Variants in THTPA observed in about 807,000 individuals in gnomAD.
THTPA encodes thiamine triphosphatase, also known as thiamine-triphosphatase.
A neutral mutation model predicts 16.5 loss-of-function variants in THTPA; 16 were observed. The ratio of observed to expected loss-of-function variants is 0.97; its 90% CI spans 0.66 to 1.47. The LOEUF is 1.47. Among genes scored for constraint, THTPA ranks in the 40% most tolerant of loss-of-function variants. The probability of loss-of-function intolerance (pLI) is 0.00; values close to 1 mark genes in which losing one functional copy is unlikely to be tolerated. For synonymous variants in THTPA, 110 were observed against 115.5 expected, an observed-to-expected ratio of 0.95 and a Z score of 0.30; for missense variants, 281 against 280.9, an observed-to-expected ratio of 1.00 and a Z score of 0.00.
the THTPA span, chr14:23,528,509 ATCCTG>A: frequency 1.3e-6 from 1 of 773,456 alleles, no homozygotes; most frequent in Non-Finnish European, 1.6e-6. Flanking sequence ...TACCTATCCT[ATCCTG>A]TCGTGTCTTC....
At position 23,556,861 on chromosome 14, in the gene THTPA, T is replaced by C; in HGVS notation, c.104T>C (p.Phe35Ser). The C allele has an allele frequency of 6.2e-7, 1 of 1,613,256 alleles. No homozygotes were observed. Residue 35 changes from phenylalanine (F) to serine (S), a missense_variant, in exon 1 of 2, where the codon TTC becomes TCC. Transcript: ENST00000288014. ...LGGTLEYRVT[F>S]RDTYYDTPEL... ...GGCACCCTGGAGTACCGGGTCACCT[T>C]CCGAGACACCTACTATGACACCCCT...
At chr14:23,539,402 G>T in the THTPA span, among the ~76,000 whole-genome samples, 2 of 152,156 alleles carry the variant, frequency 1.3e-5, no homozygotes, top group African/African-American at 4.8e-5. Context: ...ATACACATTA[G>T]GACCCAGAAA....
chr14:23,533,385 C>T, the THTPA span: 1 of 1,470,266 alleles, frequency 6.8e-7, no homozygotes, highest in Non-Finnish European at 9.0e-7. The surrounding 1 kb of genome is among the most constrained non-coding windows in gnomAD (Gnocchi z 4.8). Context: ...CCGGGCCAGC[C>T]AAGGGAGTCT....
the THTPA span, among the ~76,000 whole-genome samples, chr14:23,547,754 A>G: frequency 6.6e-6 from 1 of 152,124 alleles, no homozygotes; most frequent in Non-Finnish European, 1.5e-5. Flanking sequence ...TTAGGTGGGC[A>G]ACTCTTTCCC....
the THTPA span, chr14:23,526,719 C>G: frequency 1.3e-6 from 2 of 1,535,602 alleles, no homozygotes; most frequent in Non-Finnish European, 1.7e-6. Context: ...GAGGGAACTT[C>G]GTTTAAGCCA....
At chr14:23,531,917 C>T in the THTPA span, 2 of 609,936 alleles carry the variant, frequency 3.3e-6, no homozygotes, top group Non-Finnish European at 2.4e-6. Context: ...GCTGGGATTA[C>T]AGGCATGCGC....
At chr14:23,554,149 C>T (rs113859781), upstream of THTPA, among the ~76,000 whole-genome samples, 276 of 152,042 alleles carry the variant, frequency 1.8e-3, 1 homozygote, top group African/African-American at 4.9e-3. Context: ...GGTCTGGCTC[C>T]GGAAACTGGT....
chr14:23,559,848 G>A lies in THTPA; in HGVS notation c.*1008G>A, dbSNP rs1365527047. 3.7e-6 allele frequency: 6 copies of A among 1,613,936 alleles called. No homozygotes were observed. Among genetic ancestry groups the A allele is most frequent in the African/African-American group, 1.3e-5 (1 of 74,900 alleles). The stretch of plus-strand genomic sequence containing the variant: ...TGAGGCGCAGCTTTAGCCGCAGGGG[G>A]GCCTAGGAATAGGAGAGCAGGGACC... On this transcript the variant is annotated 3_prime_UTR_variant, in exon 2 of 2. Coordinates refer to ENST00000288014, the MANE Select transcript of THTPA (RefSeq NM_024328.6).
chr14:23,525,138 A>C, the THTPA span: 1 of 1,536,174 alleles, frequency 6.5e-7, no homozygotes, highest in South Asian at 1.2e-5. This position sits in a 1 kb window ranked among gnomAD's most constrained non-coding sequence, Gnocchi z 5.9. Context: ...AACTCTGTGA[A>C]CTTGGTTCTG....
chr14:23,547,055 G>A, the THTPA span, among the ~76,000 whole-genome samples: 3 of 152,208 alleles, frequency 2.0e-5, no homozygotes, highest in African/African-American at 7.2e-5. Context: ...TAGCTTCTGT[G>A]TATTTAGACC....
At chr14:23,521,943 C>A in the THTPA span, 11 of 1,535,638 alleles carry the variant, frequency 7.2e-6, no homozygotes, top group Non-Finnish European at 8.7e-6. Context: ...CTCCCCTCTC[C>A]CCATCTTGGT....
At chr14:23,527,880 A>G in the THTPA span, 5 of 1,146,992 alleles carry the variant, frequency 4.4e-6, no homozygotes, top group Non-Finnish European at 6.2e-6. Flanking sequence ...CTTTGGATGC[A>G]GCACTGGCCC....
At chr14:23,527,842 G>A in the THTPA span, 4 of 1,526,364 alleles carry the variant, frequency 2.6e-6, no homozygotes, top group South Asian at 1.2e-5. Flanking sequence ...AAGTGTCAGG[G>A]AAGGATGGGA....
rs1383199178 is a variant in THTPA at position 23,558,779 on chromosome 14, A to C, written c.632A>C (p.Glu211Ala). 2 of 1,614,076 alleles carry C rather than the reference A, an allele frequency of 1.2e-6. No individual in the cohort carries two copies. The highest frequency in any genetic ancestry group is 1.7e-6 in the Non-Finnish European group (2 of 1,180,028). The change falls in exon 2 of 2, where the codon GAA becomes GCA. Residue 211 changes from glutamate (E) to alanine (A), a missense_variant. Coordinates refer to ENST00000288014, the MANE Select transcript of THTPA (RefSeq NM_024328.6). ...CCTCAAGACTATCAGCGCCTGCTAG[A>C]AGTGAACAGCTCCAGAGAGAGGCCA... ...FRPQDYQRLL[E>A]VNSSRERPQE...
chr14:23,521,690 G>C, the THTPA span: 18 of 453,942 alleles, frequency 4.0e-5, no homozygotes, highest in Non-Finnish European at 4.2e-5. Context: ...AGGGTGCCAA[G>C]ATGGGTGTAT....
chr14:23,517,379 A>T, the THTPA span, among the ~76,000 whole-genome samples: 20 of 152,260 alleles, frequency 1.3e-4, no homozygotes, highest in South Asian at 4.1e-3. Flanking sequence ...TGATCTTTTT[A>T]TAATGTATCT....
At chr14:23,525,243 C>T in the THTPA span, 1 of 1,536,134 alleles carries the variant, frequency 6.5e-7, no homozygotes, top group Non-Finnish European at 8.7e-7. The surrounding 1 kb of genome is among the most constrained non-coding windows in gnomAD (Gnocchi z 5.9). Flanking sequence ...CGACTTCGCT[C>T]TTCAGGGGCA....
the THTPA span, chr14:23,527,830 C>T: frequency 5.0e-5 from 77 of 1,525,206 alleles, no homozygotes; most frequent in African/African-American, 8.0e-4. Flanking sequence ...GGGCAGTGGA[C>T]GAAGTGTCAG....
In THTPA at chr14:23,557,059, T is replaced by TG. The variant is rs1310241814; in HGVS notation, c.307dup (p.Ala103GlyfsTer18). ...TGTAAGGTGCTGCGGGCTGACGGCC[T>TG]GGGGGCTGGAGATGTGGCTGCTGTG... On this transcript the variant is annotated frameshift_variant, in exon 1 of 2. Coordinates refer to ENST00000288014, the MANE Select transcript of THTPA (RefSeq NM_024328.6). LOFTEE classifies it high-confidence loss of function. The TG allele has an allele frequency of 6.8e-6, 11 of 1,614,166 alleles. No homozygotes were observed. The highest frequency in any genetic ancestry group is 9.3e-6 in the Non-Finnish European group (11 of 1,180,032).
Sources: allele counts gnomAD v4.1 joint callset (sites outside exome capture counted in the v4.1 genomes callset), GRCh38; gene constraint gnomAD v4.1.1; non-coding constraint Gnocchi (gnomAD v3.1); transcripts MANE v1.5; gene names NCBI Gene and HGNC (gene_info 2026-07-23, HGNC 2026-07-21).